Variants in MCC observed in about 807,000 individuals in gnomAD.
MCC encodes MCC regulator of Wnt signaling pathway, also known as colorectal mutant cancer protein.
A neutral mutation model predicts 116.2 loss-of-function variants in MCC; 90 were observed. That is an observed-to-expected ratio of 0.77 (90% CI 0.65 to 0.92). The LOEUF (loss-of-function observed/expected upper bound fraction) is 0.92, where lower values mean the gene tolerates loss of function less well. Ranked by LOEUF, MCC falls within the 40% of genes least tolerant of loss-of-function variation. MCC has a pLI of 0.00. For missense variants in MCC, 1,516 were observed against 1,312.2 expected (o/e 1.16, Z -2.40); for synonymous variants, 578 against 510.5 (o/e 1.13, Z -1.78).
intron 1 of MCC, among the ~76,000 whole-genome samples, chr5:113,386,411 T>C (rs369029473): frequency 1.2e-4 from 19 of 152,220 alleles, no homozygotes; most frequent in African/African-American, 4.1e-4. Flanking sequence ...GCATTTTTAA[T>C]ATCTTCTCAT....
intron 1 of MCC, among the ~76,000 whole-genome samples, chr5:113,453,069 C>T (rs550773651): frequency 6.6e-6 from 1 of 152,116 alleles, no homozygotes; most frequent in Non-Finnish European, 1.5e-5. Flanking sequence ...GGCAAAGAAC[C>T]ACTTGTCAGC....
chr5:113,329,788 C>T (rs1437826923), intron 3 of MCC, among the ~76,000 whole-genome samples: 1 of 152,210 alleles, frequency 6.6e-6, no homozygotes, highest in African/African-American at 2.4e-5. Context: ...ACCCCATCCA[C>T]TCACCTCCAG....
chr5:113,420,333 A>T (rs1770294057), intron 1 of MCC, among the ~76,000 whole-genome samples: 1 of 152,178 alleles, frequency 6.6e-6, no homozygotes, highest in South Asian at 2.1e-4. Flanking sequence ...AAAGGAAAAA[A>T]GAAATCTGAC....
intron 3 of MCC, among the ~76,000 whole-genome samples, chr5:113,288,765 T>G (rs1356134446): frequency 6.6e-6 from 1 of 152,172 alleles, no homozygotes; most frequent in East Asian, 1.9e-4. Flanking sequence ...CCTCTGAGTG[T>G]GCTCTGGAGA....
At chr5:113,464,365 T>C (rs890749772) in intron 1 of MCC, among the ~76,000 whole-genome samples, 1 of 152,236 alleles carries the variant, frequency 6.6e-6, no homozygotes, top group Admixed American at 6.5e-5. Flanking sequence ...ATTCTTTGAA[T>C]GCACCAGCTT....
intron 3 of MCC, among the ~76,000 whole-genome samples, chr5:113,297,520 G>A (rs894686834): frequency 2.6e-5 from 4 of 151,572 alleles, no homozygotes; most frequent in African/African-American, 7.3e-5. Flanking sequence ...AGCCGAGACC[G>A]CACCACCACA....
In MCC at chr5:113,488,351, T is replaced by TGCTGCCGCTGCTGCCGCTGCCGCC. The variant is rs1554087752; in HGVS notation, c.63_64insGGCGGCAGCGGCAGCAGCGGCAGC (p.Gly21_Ser22insGlyGlySerGlySerSerGlySer). 1 of 1,426,262 alleles carries TGCTGCCGCTGCTGCCGCTGCCGCC rather than the reference T, an allele frequency of 7.0e-7. No homozygotes were observed. Among genetic ancestry groups the TGCTGCCGCTGCTGCCGCTGCCGCC allele is most frequent in the African/African-American group, 1.5e-5 (1 of 67,412 alleles). The allele number at this position is 1,426,262 out of a possible 1,614,324, so 88.4% of individuals were successfully genotyped here. A position where few individuals can be genotyped will look rare whatever the true frequency, so the allele number is the denominator to read the frequency against. On this transcript the variant is annotated inframe_insertion, in exon 1 of 19. Transcript: ENST00000408903. ...TCGCTGCTGCTGCTGCTGCTGCCGCTGCCGCCGCCGCCGCCGCCGCTGCTG... is the reference window on the plus strand; with the variant it reads ...TCGCTGCTGCTGCTGCTGCTGCCGCTGCTGCCGCTGCTGCCGCTGCCGCCGCCGCCGCCGCCGCCGCCGCTGCTG...
chr5:113,278,520 A>T (rs1296363327), intron 3 of MCC, among the ~76,000 whole-genome samples: 3 of 152,244 alleles, frequency 2.0e-5, no homozygotes. Context: ...GCAACATCAG[A>T]AACAGTTTTC....
At chr5:113,290,733 C>T (rs956987443) in intron 3 of MCC, among the ~76,000 whole-genome samples, 4 of 152,138 alleles carry the variant, frequency 2.6e-5, no homozygotes, top group East Asian at 1.9e-4. Context: ...TGGAAGATTT[C>T]GGGAGAATTT....
chr5:113,241,470 A>G (rs1391823931), intron 3 of MCC, among the ~76,000 whole-genome samples: 8 of 152,206 alleles, frequency 5.3e-5, no homozygotes, highest in Admixed American at 5.2e-4. Context: ...AGAGAGGCTC[A>G]GGTTTGGAGA....
intron 8 of MCC, among the ~76,000 whole-genome samples, chr5:113,090,610 A>G (rs1035419719): frequency 1.1e-4 from 17 of 152,254 alleles, no homozygotes; most frequent in African/African-American, 3.9e-4. Context: ...AGAATAAAAA[A>G]AGTCTATAAT....
At chr5:113,205,409 T>C (rs144769700) in intron 3 of MCC, among the ~76,000 whole-genome samples, 184 of 152,320 alleles carry the variant, frequency 1.2e-3, no homozygotes, top group African/African-American at 4.1e-3. Flanking sequence ...GCTTGTATCA[T>C]AGAGAAGGTG....
At chr5:113,459,133 A>ATGTG (rs542497591) in intron 1 of MCC, among the ~76,000 whole-genome samples, 6,594 of 68,252 alleles carry the variant, frequency 0.097, 493 homozygotes, top group Middle Eastern at 0.14. Flanking sequence ...GAGTAAGGAT[A>ATGTG]TGTGTGTGTG....
intron 3 of MCC, among the ~76,000 whole-genome samples, chr5:113,228,991 T>C (rs1015259074): frequency 6.6e-6 from 1 of 152,176 alleles, no homozygotes; most frequent in Non-Finnish European, 1.5e-5. Context: ...TCATGTTTAG[T>C]TTTAAATACC....
intron 3 of MCC, among the ~76,000 whole-genome samples, chr5:113,211,327 C>T (rs1219810162): frequency 6.6e-6 from 1 of 152,212 alleles, no homozygotes. Context: ...GACTTCAGAA[C>T]TGTGAGAAAT....
chr5:113,259,526 T>C (rs1332992891), intron 3 of MCC, among the ~76,000 whole-genome samples: 1 of 152,152 alleles, frequency 6.6e-6, no homozygotes, highest in South Asian at 2.1e-4. Flanking sequence ...AAAAATTAAT[T>C]GGAAAGTATT....
intron 1 of MCC, among the ~76,000 whole-genome samples, chr5:113,429,258 T>C (rs1308475600): frequency 6.6e-6 from 1 of 151,740 alleles, no homozygotes; most frequent in East Asian, 1.9e-4. Flanking sequence ...GACTGTAGCC[T>C]TATATGAAGA....
chr5:113,405,338 T>G (rs1769798075), intron 1 of MCC, among the ~76,000 whole-genome samples: 1 of 152,206 alleles, frequency 6.6e-6, no homozygotes, highest in South Asian at 2.1e-4. Flanking sequence ...GCAGGTGACT[T>G]ATGTAATAAG....
intron 1 of MCC, among the ~76,000 whole-genome samples, chr5:113,414,666 C>T (rs1006468281): frequency 3.3e-5 from 5 of 152,082 alleles, no homozygotes; most frequent in African/African-American, 1.2e-4. Flanking sequence ...TGTCTCCGCA[C>T]ATGAGATGGG....
Sources: gnomAD v4.1 joint callset for allele counts (sites outside exome capture counted in the v4.1 genomes callset) on GRCh38, gnomAD v4.1.1 for gene constraint, MANE v1.5 for transcripts, NCBI Gene and HGNC (gene_info 2026-07-23, HGNC 2026-07-21) for gene names.